The following DPP6 variants were observed in gnomAD, a reference collection of about 807,000 sequenced individuals.
DPP6 encodes A-type potassium channel modulatory protein DPP6.
DPP6 carries 69 observed loss-of-function variants against 122.6 expected under a neutral mutation model. The observed-to-expected ratio is 0.56, with a 90% CI of 0.46 to 0.69. The LOEUF (loss-of-function observed/expected upper bound fraction) is 0.69. DPP6 is among the 30% of genes least tolerant of loss of function. The pLI is 0.00. For missense variants in DPP6, 928 were observed against 1,116.9 expected, an observed-to-expected ratio of 0.83 and a Z score of 2.41; for synonymous variants, 418 against 433.1, an observed-to-expected ratio of 0.97 and a Z score of 0.43.
At chr7:153,817,564 A>C in the DPP6 span, among the ~76,000 whole-genome samples, 1 of 151,898 alleles carries the variant, frequency 6.6e-6, no homozygotes, top group African/African-American at 2.4e-5. Context: ...GTTCATCCAC[A>C]TATGCCATGG....
intron 8 of DPP6, among the ~76,000 whole-genome samples, chr7:154,766,354 G>C (rs1316748279): frequency 6.6e-6 from 1 of 152,124 alleles, no homozygotes; most frequent in Non-Finnish European, 1.5e-5. Flanking sequence ...GTCTCACTCT[G>C]TCACCCAGGC....
chr7:154,525,696 G>A (rs1005550568), intron 3 of DPP6, among the ~76,000 whole-genome samples: 1 of 151,606 alleles, frequency 6.6e-6, no homozygotes, highest in Non-Finnish European at 1.5e-5. Context: ...AGAGCATCCC[G>A]TACATTGTAA....
chr7:153,954,109 C>T (rs1802345703), intron 1 of DPP6, among the ~76,000 whole-genome samples: 1 of 152,224 alleles, frequency 6.6e-6, no homozygotes, highest in African/African-American at 2.4e-5. Context: ...CACTTGAACA[C>T]CCAGACAAGT....
At chr7:154,698,640 T>C (rs1442145770) in intron 7 of DPP6, among the ~76,000 whole-genome samples, 1 of 152,262 alleles carries the variant, frequency 6.6e-6, no homozygotes, top group Non-Finnish European at 1.5e-5. Context: ...ATTGATTTTC[T>C]GTAAAGTAAT....
chr7:154,621,679 G>T (rs946347454), intron 5 of DPP6, among the ~76,000 whole-genome samples: 1 of 152,116 alleles, frequency 6.6e-6, no homozygotes, highest in Non-Finnish European at 1.5e-5. Context: ...TAATTTTTAA[G>T]GTTTTAATTC....
intron 7 of DPP6, among the ~76,000 whole-genome samples, chr7:154,699,901 T>G (rs940519782): frequency 2.0e-5 from 3 of 152,086 alleles, no homozygotes; most frequent in African/African-American, 7.2e-5. Flanking sequence ...GTCTTCAGAG[T>G]GTGGGCTCTG....
chr7:154,745,059 T>C (rs1003965537), intron 8 of DPP6, among the ~76,000 whole-genome samples: 3 of 152,280 alleles, frequency 2.0e-5, no homozygotes, highest in African/African-American at 7.2e-5. Flanking sequence ...TAGCCTGGGC[T>C]GCCAGACTGC....
intron 7 of DPP6, among the ~76,000 whole-genome samples, chr7:154,676,977 G>T (rs960920751): frequency 2.6e-5 from 4 of 152,166 alleles, no homozygotes; most frequent in African/African-American, 9.7e-5. Context: ...CAAAATATGT[G>T]GAGGATAGAT....
chr7:154,479,246 G>A (rs1473661036), intron 3 of DPP6, among the ~76,000 whole-genome samples: 1 of 152,126 alleles, frequency 6.6e-6, no homozygotes, highest in African/African-American at 2.4e-5. Flanking sequence ...GCCAAATGAG[G>A]TGTGTAAAGC....
intron 1 of DPP6, among the ~76,000 whole-genome samples, chr7:153,941,407 T>G (rs978673962): frequency 2.6e-5 from 4 of 152,162 alleles, no homozygotes; most frequent in African/African-American, 9.7e-5. Flanking sequence ...GGGTGATGTC[T>G]GTAATGAAGC....
chr7:154,587,650 A>T, intron 5 of DPP6: 1 of 1,545,492 alleles, frequency 6.5e-7, no homozygotes, highest in South Asian at 1.2e-5. Flanking sequence ...CACTTTACAG[A>T]TGAAGAAAGT....
At chr7:154,498,795 TC>T (rs1824971939) in intron 3 of DPP6, among the ~76,000 whole-genome samples, 1 of 152,194 alleles carries the variant, frequency 6.6e-6, no homozygotes, top group African/African-American at 2.4e-5. Context: ...ATGCCTGCCC[TC>T]TACCCACTCA....
chr7:154,287,154 G>T (rs1163726525), intron 1 of DPP6, among the ~76,000 whole-genome samples: 1 of 152,198 alleles, frequency 6.6e-6, no homozygotes, highest in Non-Finnish European at 1.5e-5. Context: ...TCTGACTTCT[G>T]AGCAAAGCTG....
the DPP6 span, among the ~76,000 whole-genome samples, chr7:153,835,837 T>G: frequency 1.3e-5 from 2 of 152,124 alleles, no homozygotes. Context: ...TTCTAAAAAC[T>G]GCACTTCCAG....
intron 16 of DPP6, among the ~76,000 whole-genome samples, chr7:154,848,626 C>G (rs976664617): frequency 1.3e-5 from 2 of 152,186 alleles, no homozygotes; most frequent in Non-Finnish European, 2.9e-5. Context: ...TCTTTTCACT[C>G]TATTAATTGC....
At chr7:153,808,254 T>C in the DPP6 span, among the ~76,000 whole-genome samples, 1 of 151,448 alleles carries the variant, frequency 6.6e-6, no homozygotes. Context: ...TGCACGTGCG[T>C]GCGTGTGTGC....
chr7:154,556,146 C>T (rs1312122206), intron 4 of DPP6, among the ~76,000 whole-genome samples: 1 of 152,156 alleles, frequency 6.6e-6, no homozygotes, highest in Non-Finnish European at 1.5e-5. Context: ...ACAATAATAG[C>T]TAACGCTTTG....
At chr7:154,126,130 G>A (rs1299453685) in intron 1 of DPP6, among the ~76,000 whole-genome samples, 3 of 152,124 alleles carry the variant, frequency 2.0e-5, no homozygotes, top group Admixed American at 6.5e-5. Flanking sequence ...TGGACTTGAA[G>A]GTGAAATTTC....
rs76255107 is a variant in DPP6 at position 154,234,552 on chromosome 7, G to A, written c.243+181489G>A. Reference sequence around the variant, plus strand: ...TGGATCCTACCTTTGGACTTGAGGGGCTTAGATATTATCACTTAGGTGGAC... The same window carrying A: ...TGGATCCTACCTTTGGACTTGAGGGACTTAGATATTATCACTTAGGTGGAC... On this transcript the variant is annotated intron_variant, in intron 1 of 25. Transcript: ENST00000377770. 9.0e-3 allele frequency among the ~76,000 whole-genome samples: 1,375 copies of A among 152,080 alleles called. 14 individuals are homozygous for A. The highest frequency in any genetic ancestry group is 0.013 in the Non-Finnish European group (884 of 67,992).
Sources: allele counts gnomAD v4.1 joint callset (sites outside exome capture counted in the v4.1 genomes callset), GRCh38; gene constraint gnomAD v4.1.1; transcripts MANE v1.5; gene names NCBI Gene and HGNC (gene_info 2026-07-23, HGNC 2026-07-21).